The following GKN1 variants were observed in gnomAD, a reference collection of about 807,000 sequenced individuals.
The protein encoded by GKN1 is gastrokine 1, also known as gastrokine-1.
Under a neutral mutation model 19.7 loss-of-function variants are expected in GKN1, and 17 were observed. The ratio of observed to expected loss-of-function variants is 0.86; its 90% CI spans 0.59 to 1.29. GKN1 has a LOEUF of 1.29. Among genes scored for constraint, GKN1 ranks in the 50% most tolerant of loss-of-function variants. The pLI is 0.00. For synonymous variants in GKN1, 96 were observed against 78.3 expected (o/e 1.23, Z -1.20); for missense variants, 218 against 224.5 (o/e 0.97, Z 0.19).
chr2:68,977,331 C>A (rs541105960), intron 1 of GKN1, among the ~76,000 whole-genome samples, 164 bp from the exon 2 acceptor site: 5 of 151,840 alleles, frequency 3.3e-5, no homozygotes, highest in South Asian at 4.2e-4. Context: ...ATCGTTAAAA[C>A]CTTTATGGTT....
intron 1 of GKN1, among the ~76,000 whole-genome samples, chr2:68,974,928 C>G (rs1178161951): frequency 1.3e-5 from 2 of 152,090 alleles, no homozygotes; most frequent in Admixed American, 6.5e-5. Flanking sequence ...CACCATGGCA[C>G]ACATATACCT....
intron 3 of GKN1, among the ~76,000 whole-genome samples, chr2:68,978,445 T>A (rs62133356): frequency 0.15 from 22,445 of 151,878 alleles, 2,127 homozygotes; most frequent in South Asian, 0.25. Context: ...ATCAGCTATA[T>A]ATTTAACAAA....
In GKN1 at chr2:68,980,766, G is replaced by C. The variant is rs141743643; in HGVS notation, c.501G>C (p.Thr167=). 1 of 1,598,906 alleles carries C rather than the reference G, an allele frequency of 6.3e-7. No homozygotes were observed. Among genetic ancestry groups the C allele is most frequent in the Admixed American group, 1.7e-5 (1 of 59,974 alleles). The change falls in exon 6 of 6, where the codon ACG becomes ACC. Residue 167 remains threonine (T), a synonymous_variant. Transcript: ENST00000377938. The part of the protein sequence containing the change: ...SLFFYSGTCY[T]TSVLWIVDIS... ...TTTTTTACTCAGGAACGTGCTACACGACCAGTGTACTATGGATTGTGGACA... is the reference window on the plus strand; with the variant it reads ...TTTTTTACTCAGGAACGTGCTACACCACCAGTGTACTATGGATTGTGGACA...
rs145566771 is a variant in GKN1, at chr2:68,980,000, G to A, written c.403G>A (p.Gly135Arg). ...CAAAGTCGATGACCTGAGCAAGTTC[G>A]GAAAAAACATTGCAAACATGTGTCG... ...PNKVDDLSKF[G>R]KNIANMCRGI... is the part of the protein sequence containing the mutation. The change falls in exon 5 of 6, where the codon GGA becomes AGA. Residue 135 changes from glycine (G) to arginine (R), a missense_variant. By Grantham distance (125) the Gly-to-Arg change is moderately radical. Coordinates refer to ENST00000377938, the MANE Select transcript of GKN1 (RefSeq NM_019617.4). 30 of 1,613,746 alleles carry A rather than the reference G, an allele frequency of 1.9e-5. No individual in the cohort carries two copies. Among genetic ancestry groups the A allele is most frequent in the African/African-American group, 1.5e-4 (11 of 74,920 alleles).
At chr2:68,980,465 G>A (rs1293067749) in intron 5 of GKN1, among the ~76,000 whole-genome samples, 6 of 152,166 alleles carry the variant, frequency 3.9e-5, no homozygotes, top group African/African-American at 1.4e-4. Flanking sequence ...AATGCTAATA[G>A]AATCTATTAA....
intron 3 of GKN1, 146 bp downstream of exon 3, chr2:68,977,920 C>T: frequency 1.5e-6 from 1 of 673,314 alleles, no homozygotes; most frequent in Non-Finnish European, 2.5e-6. Flanking sequence ...GACCATTTTG[C>T]TCATCCGATT....
intron 5 of GKN1, 115 bp from the exon 6 acceptor site, chr2:68,980,614 A>C: frequency 1.6e-6 from 1 of 644,910 alleles, no homozygotes; most frequent in Non-Finnish European, 2.8e-6. Context: ...CAACAAGTAG[A>C]TAAACCTTGA....
chr2:68,976,995 T>G (rs2103921757), intron 1 of GKN1, among the ~76,000 whole-genome samples: 2 of 152,292 alleles, frequency 1.3e-5, no homozygotes, highest in South Asian at 4.1e-4. Flanking sequence ...TCTTAAAAAT[T>G]TTTAAACTCT....
chr2:68,980,245 G>GTTATTATATTATAGGTTCTT (rs1421127798), intron 5 of GKN1, among the ~76,000 whole-genome samples, 185 bp downstream of exon 5: 1 of 152,086 alleles, frequency 6.6e-6, no homozygotes, highest in African/African-American at 2.4e-5. Context: ...GTTCTTCACA[G>GTTATTATATTATAGGTTCTT]CAATCTTATA....
At chr2:68,978,823 AG>A (rs1341112549) in intron 3 of GKN1, 47 bp from the exon 4 acceptor site, 1 of 1,010,788 alleles carries the variant, frequency 9.9e-7, no homozygotes, top group Non-Finnish European at 1.5e-6. Context: ...TGATAAGAAA[AG>A]CTCCTCGGAG....
chr2:68,976,853 C>G (rs1451149787), intron 1 of GKN1, among the ~76,000 whole-genome samples: 1 of 152,126 alleles, frequency 6.6e-6, no homozygotes, highest in Non-Finnish European at 1.5e-5. Context: ...AGGCAGTTCT[C>G]TACTTTCTAA....
chr2:68,979,074 A>G, intron 4 of GKN1, 93 bp downstream of exon 4: 1 of 690,158 alleles, frequency 1.4e-6, no homozygotes, highest in Non-Finnish European at 2.6e-6. Context: ...CCTCTTGACT[A>G]CAGTATGTTG....
At position 68,979,843 on chromosome 2, in the gene GKN1, T is replaced by C. The variant is rs1249018029; in HGVS notation, c.316-70T>C. On this transcript the variant is annotated intron_variant, in intron 4 of 5. Coordinates refer to ENST00000377938, the MANE Select transcript of GKN1 (RefSeq NM_019617.4). ...CTGTTGGCCTCGTATACCCCTCAAG[T>C]CAACAAACCACTGGGCTTGGCATTC... 6.6e-6 allele frequency: 9 copies of C among 1,364,838 alleles called. No individual in the cohort carries two copies. The African/African-American group carries it at 1.3e-4, about 19-fold the overall frequency. 84.5% of individuals were successfully genotyped at this position (1,364,838 alleles called of 1,614,324 possible).
At chr2:68,977,903 T>A (rs1157688201) in intron 3 of GKN1, 129 bp downstream of exon 3, 1 of 747,308 alleles carries the variant, frequency 1.3e-6, no homozygotes, top group Non-Finnish European at 2.2e-6. Flanking sequence ...CAGTTATAAG[T>A]AAAGGTGACC....
chr2:68,979,133 G>T, intron 4 of GKN1, 152 bp downstream of exon 4: 1 of 531,376 alleles, frequency 1.9e-6, no homozygotes, highest in East Asian at 3.2e-5. Context: ...CTGAGGGAAG[G>T]CAACTTCTGC....
At chr2:68,974,898 G>A (rs1281686459) in intron 1 of GKN1, among the ~76,000 whole-genome samples, 1 of 152,024 alleles carries the variant, frequency 6.6e-6, no homozygotes, top group African/African-American at 2.4e-5. Flanking sequence ...TTAGAGGACA[G>A]GTCAATAGGG....
intron 3 of GKN1, 124 bp downstream of exon 3, chr2:68,977,898 A>T: frequency 1.3e-6 from 1 of 790,062 alleles, no homozygotes; most frequent in Non-Finnish European, 2.0e-6. Context: ...GCATACAGTT[A>T]TAAGTAAAGG....
At chr2:68,979,281 G>T (rs1478987415) in intron 4 of GKN1, among the ~76,000 whole-genome samples, 6 of 152,210 alleles carry the variant, frequency 3.9e-5, no homozygotes, top group Non-Finnish European at 7.3e-5. Context: ...TTCTGCAAGA[G>T]TTAGTTAGGG....
chr2:68,977,972 T>G, intron 3 of GKN1, 198 bp downstream of exon 3: 2 of 572,306 alleles, frequency 3.5e-6, no homozygotes, highest in South Asian at 4.3e-5. Context: ...TGTTGCATGA[T>G]CAGTTAAAAT....
Sources: allele counts gnomAD v4.1 joint callset (sites outside exome capture counted in the v4.1 genomes callset), GRCh38; gene constraint gnomAD v4.1.1; transcripts MANE v1.5; gene names NCBI Gene and HGNC (gene_info 2026-07-23, HGNC 2026-07-21).